The following CACNA1B variants were observed in gnomAD, a reference collection of about 807,000 sequenced individuals.
The protein encoded by CACNA1B is calcium voltage-gated channel subunit alpha1 B.
CACNA1B carries 70 observed loss-of-function variants against 247.2 expected under a neutral mutation model. The observed-to-expected ratio is 0.28, with a 90% CI of 0.23 to 0.35. The LOEUF (loss-of-function observed/expected upper bound fraction) is 0.35. CACNA1B is among the 10% of genes least tolerant of loss of function. CACNA1B has a pLI of 1.00. For missense variants in CACNA1B, 2,367 were observed against 3,197.4 expected, an observed-to-expected ratio of 0.74 and a Z score of 6.26; for synonymous variants, 1,231 against 1,294.4, an observed-to-expected ratio of 0.95 and a Z score of 1.05.
intron 6 of CACNA1B, among the ~76,000 whole-genome samples, chr9:137,923,517 G>C (rs954328701): frequency 6.6e-6 from 1 of 151,546 alleles, no homozygotes; most frequent in African/African-American, 2.4e-5. Flanking sequence ...GTGGTATTCC[G>C]TGGTGCCAGG....
rs202042420 is a variant in CACNA1B, at chr9:137,905,268, G to A, written c.531-7912G>A. ...CTTGGGAGGCTGAAGCAGGAGAATC[G>A]CTTGAACCCAGGAGGCGGAGCTTGC... On this transcript the variant is annotated intron_variant, in intron 3 of 46. Coordinates refer to ENST00000371372, the MANE Select transcript of CACNA1B (RefSeq NM_000718.4). Among the ~76,000 whole-genome samples, 3 of 151,454 alleles carry A rather than the reference G, an allele frequency of 2.0e-5. No individual in the cohort carries two copies. The East Asian group carries it at 5.8e-4, about 29-fold the overall frequency.
chr9:137,886,580 C>T (rs1957015806), intron 3 of CACNA1B, among the ~76,000 whole-genome samples: 1 of 151,260 alleles, frequency 6.6e-6, no homozygotes, highest in Non-Finnish European at 1.5e-5. Flanking sequence ...GAACCTCTGC[C>T]CGGTGGCCCA....
chr9:137,892,095 C>T (rs1156260606), intron 3 of CACNA1B: 2 of 457,218 alleles, frequency 4.4e-6, no homozygotes, highest in Non-Finnish European at 8.8e-6. Flanking sequence ...GCCCTCCTCC[C>T]TCCCCGAGAA....
chr9:138,121,707 C>T lies in CACNA1B; in HGVS notation c.6728C>T (p.Pro2243Leu). ...SEHNALLQRD[P>L]LSQPLAPGSR... ...CACAACGCCCTGCTGCAGAGAGACC[C>T]CCTCAGCCAGCCCCTGGCCCCTGGC... The change falls in exon 47 of 47, where the codon CCC becomes CTC. Residue 2243 changes from proline to leucine, a missense_variant. By Grantham distance (98) the Pro-to-Leu change is moderately conservative. Coordinates refer to ENST00000371372, the MANE Select transcript of CACNA1B (RefSeq NM_000718.4). The surrounding 1 kb of genome is among the most constrained non-coding windows in gnomAD (Gnocchi z 6.8). The T allele has an allele frequency of 6.2e-7, 1 of 1,613,380 alleles. No homozygotes were observed. Among genetic ancestry groups the T allele is most frequent in the Non-Finnish European group, 8.5e-7 (1 of 1,179,828 alleles).
At chr9:137,943,538 A>G (rs186692198) in intron 6 of CACNA1B, among the ~76,000 whole-genome samples, 109 of 152,080 alleles carry the variant, frequency 7.2e-4, no homozygotes, top group Admixed American at 1.6e-3. Flanking sequence ...GTAAGCTTCA[A>G]TCCAGCCAGT....
intron 13 of CACNA1B, among the ~76,000 whole-genome samples, 185 bp downstream of exon 13, chr9:137,984,435 A>G (rs1027741405): frequency 2.0e-5 from 3 of 152,244 alleles, no homozygotes; most frequent in African/African-American, 7.2e-5. Context: ...CCTCAGGGCC[A>G]TCCCTGACTG....
Position 137,879,038 on chromosome 9 carries a change from T to C in CACNA1B, c.285-16T>C. The C allele has an allele frequency of 6.3e-7, 1 of 1,576,124 alleles. No individual in the cohort carries two copies. On this transcript the variant is annotated splice_polypyrimidine_tract_variant and intron_variant, in intron 1 of 46. Transcript: ENST00000371372. ...CCTCCGTGCGGCGTCTGCCGGCCAG[T>C]CCTTAACTCACGCACTCCATTCGAG...
At chr9:137,995,274 C>G (rs898279921) in intron 15 of CACNA1B, among the ~76,000 whole-genome samples, 1 of 150,668 alleles carries the variant, frequency 6.6e-6, no homozygotes, top group Admixed American at 6.6e-5. Context: ...CATTACCCAA[C>G]TTCAAACTAC....
intron 31 of CACNA1B, among the ~76,000 whole-genome samples, chr9:138,062,014 C>A (rs961288901): frequency 6.6e-6 from 1 of 152,202 alleles, no homozygotes; most frequent in Non-Finnish European, 1.5e-5. Context: ...TGTTGGTCGA[C>A]TTATCCCAGT....
chr9:138,031,597 G>A (rs1228596800), intron 20 of CACNA1B, among the ~76,000 whole-genome samples: 1 of 152,170 alleles, frequency 6.6e-6, no homozygotes, highest in Non-Finnish European at 1.5e-5. Context: ...GTTGAGAAAA[G>A]GATATTCAGT....
intron 6 of CACNA1B, among the ~76,000 whole-genome samples, chr9:137,938,927 C>T (rs1184869222): frequency 6.6e-6 from 1 of 152,002 alleles, no homozygotes; most frequent in African/African-American, 2.4e-5. Context: ...ACAAAATAGC[C>T]AGGTGTGGTG....
Position 137,881,424 on chromosome 9 carries a change from CA to C in CACNA1B, c.391-1319del, listed in dbSNP as rs1350978283. On this transcript the variant is annotated intron_variant, in intron 2 of 46. Coordinates refer to ENST00000371372, the MANE Select transcript of CACNA1B (RefSeq NM_000718.4). This position sits in a 1 kb window ranked among gnomAD's most constrained non-coding sequence, Gnocchi z 4.3. ...GCCTGGCTTCCTGGGGAGGAAGGCA[CA>C]GGCTGTGGAACTGGTGGCACTCACC... 6.6e-6 allele frequency among the ~76,000 whole-genome samples: 1 copy of C among 152,178 alleles called. No homozygotes were observed. Among genetic ancestry groups the C allele is most frequent in the Non-Finnish European group, 1.5e-5 (1 of 68,026 alleles).
chr9:137,987,216 T>G (rs936485861), intron 15 of CACNA1B, among the ~76,000 whole-genome samples: 15 of 152,294 alleles, frequency 9.8e-5, no homozygotes, highest in Non-Finnish European at 1.8e-4. Context: ...AAGCACTTCC[T>G]AAACTTCTCC....
At chr9:137,935,603 C>T (rs1009231207) in intron 6 of CACNA1B, among the ~76,000 whole-genome samples, 3 of 152,084 alleles carry the variant, frequency 2.0e-5, no homozygotes, top group Non-Finnish European at 4.4e-5. Flanking sequence ...ATTTATAATC[C>T]TTTGGGTATA....
At position 138,102,639 on chromosome 9, in the gene CACNA1B, G is replaced by A. The variant is rs893827765; in HGVS notation, c.5223-72G>A. ...CTGCCCCTACCCCGCTCCCCTCCCC[G>A]CTCCCCTCCTGCTGCCGCTCCTCCT... On this transcript the variant is annotated intron_variant, in intron 37 of 46. Coordinates refer to ENST00000371372, the MANE Select transcript of CACNA1B (RefSeq NM_000718.4). The surrounding 1 kb of genome is among the most constrained non-coding windows in gnomAD (Gnocchi z 5.4). 1.3e-5 allele frequency: 5 copies of A among 395,090 alleles called. No individual in the cohort carries two copies. The highest frequency in any genetic ancestry group is 8.9e-5 in the East Asian group (1 of 11,240). The allele number at this position is 395,090 out of a possible 1,614,324, so 24.5% of individuals were successfully genotyped here. A position where few individuals can be genotyped will look rare whatever the true frequency, so the allele number is the denominator to read the frequency against.
At position 137,966,318 on chromosome 9, in the gene CACNA1B, G is replaced by A. The variant is rs374036561; in HGVS notation, c.1334-5065G>A. Among the ~76,000 whole-genome samples, 8 of 150,276 alleles carry A rather than the reference G, an allele frequency of 5.3e-5. No homozygotes were observed. In the South Asian group the frequency reaches 8.4e-4, roughly 16 times the overall value. The stretch of plus-strand genomic sequence containing the variant: ...TGGCTCACTGCAAGCTCTGCCTCCC[G>A]GGTTCATGCCATTCTCCTGCCTCAG... On this transcript the variant is annotated intron_variant, in intron 10 of 46. Transcript: ENST00000371372.
intron 3 of CACNA1B, among the ~76,000 whole-genome samples, chr9:137,902,275 G>C (rs1208623746): frequency 6.6e-6 from 1 of 152,136 alleles, no homozygotes; most frequent in Non-Finnish European, 1.5e-5. Context: ...AGCTAAGAAG[G>C]AAAACACTGC....
At chr9:138,044,942 G>C (rs1253089771) in intron 21 of CACNA1B, among the ~76,000 whole-genome samples, 1 of 152,262 alleles carries the variant, frequency 6.6e-6, no homozygotes, top group African/African-American at 2.4e-5. Context: ...GCCATGTCAG[G>C]ACTGACAGTG....
At chr9:138,088,234 T>C (rs1960765342) in intron 36 of CACNA1B, among the ~76,000 whole-genome samples, 1 of 151,900 alleles carries the variant, frequency 6.6e-6, no homozygotes, top group Non-Finnish European at 1.5e-5. Context: ...CCAGTTATGT[T>C]GGCGGGCACC....
Sources: allele counts gnomAD v4.1 joint callset (sites outside exome capture counted in the v4.1 genomes callset), GRCh38; gene constraint gnomAD v4.1.1; non-coding constraint Gnocchi (gnomAD v3.1); transcripts MANE v1.5; gene names NCBI Gene and HGNC (gene_info 2026-07-23, HGNC 2026-07-21).